The following RSU1 variants were observed in gnomAD, a reference collection of about 807,000 sequenced individuals.
RSU1 encodes rsu-1.
Under a neutral mutation model 31.1 loss-of-function variants are expected in RSU1, and 26 were observed. The observed-to-expected ratio is 0.84, with a 90% CI of 0.61 to 1.16. The LOEUF is 1.16. Among genes scored for constraint, RSU1 ranks in the 50% most tolerant of loss-of-function variants. The pLI, the probability that RSU1 is intolerant of heterozygous loss-of-function variation, is 0.00. For missense variants in RSU1, 320 were observed against 339.1 expected, an observed-to-expected ratio of 0.94 and a Z score of 0.44; for synonymous variants, 164 against 136.3, an observed-to-expected ratio of 1.20 and a Z score of -1.41.
chr10:16,755,506 C>G (rs1371070725), intron 4 of RSU1, among the ~76,000 whole-genome samples: 2 of 151,892 alleles, frequency 1.3e-5, no homozygotes, highest in Non-Finnish European at 2.9e-5. Flanking sequence ...CAACATGATA[C>G]TTCTGATGTA....
intron 2 of RSU1, among the ~76,000 whole-genome samples, chr10:16,782,795 A>C (rs945971967): frequency 1.3e-5 from 2 of 152,222 alleles, no homozygotes; most frequent in Non-Finnish European, 2.9e-5. Context: ...CAGAGCCACA[A>C]AAGTAAAAGA....
intron 7 of RSU1, among the ~76,000 whole-genome samples, chr10:16,718,807 C>A (rs957541141): frequency 2.0e-5 from 3 of 151,832 alleles, no homozygotes; most frequent in African/African-American, 7.3e-5. Context: ...ATGGTGAAAC[C>A]CCGTCTCTAC....
intron 8 of RSU1, among the ~76,000 whole-genome samples, chr10:16,675,226 A>G (rs943562187): frequency 4.0e-5 from 6 of 151,624 alleles, no homozygotes; most frequent in South Asian, 4.2e-4. Flanking sequence ...AAGAAAGAAA[A>G]AAAAGTGTAA....
intron 2 of RSU1, among the ~76,000 whole-genome samples, chr10:16,783,363 G>GCTTTTTTTTTTT (rs1293875939): frequency 1.1e-5 from 1 of 92,812 alleles, no homozygotes; most frequent in Non-Finnish European, 2.0e-5. Context: ...CACAACTTTT[G>GCTTTTTTTTTTT]CTTTTTTTTT....
chr10:16,603,618 T>C (rs1833749325), intron 8 of RSU1, among the ~76,000 whole-genome samples: 1 of 152,116 alleles, frequency 6.6e-6, no homozygotes, highest in Non-Finnish European at 1.5e-5. Flanking sequence ...TTTAAGAAAA[T>C]AGGTAATCCT....
intron 7 of RSU1, among the ~76,000 whole-genome samples, chr10:16,726,013 A>G (rs1050886022): frequency 6.6e-6 from 1 of 151,810 alleles, no homozygotes; most frequent in African/African-American, 2.4e-5. Context: ...ATGTAGATAC[A>G]TATGCACGTA....
In RSU1 at chr10:16,613,420, C is replaced by T. The variant is rs142399842; in HGVS notation, c.732-19924G>A. Among the ~76,000 whole-genome samples the T allele has an allele frequency of 4.7e-3, 721 of 152,250 alleles. 2 individuals carry two copies. The highest frequency in any genetic ancestry group is 7.1e-3 in the Non-Finnish European group (483 of 68,026). Reference sequence around the variant, plus strand: ...TGTGTGGGTTCATGCCAAGAGTCGGCACCTTGTTCAGAAACACTAGTGGAC... The same window carrying T: ...TGTGTGGGTTCATGCCAAGAGTCGGTACCTTGTTCAGAAACACTAGTGGAC... On this transcript the variant is annotated intron_variant, in intron 8 of 8. Coordinates refer to ENST00000345264, the MANE Select transcript of RSU1 (RefSeq NM_012425.4).
chr10:16,715,868 T>C (rs1343491993), intron 7 of RSU1, among the ~76,000 whole-genome samples: 1 of 152,240 alleles, frequency 6.6e-6, no homozygotes, highest in Non-Finnish European at 1.5e-5. Context: ...AGCGAGTGCA[T>C]TAAATCTACA....
At chr10:16,789,312 T>C (rs1057456760) in intron 2 of RSU1, among the ~76,000 whole-genome samples, 4 of 152,026 alleles carry the variant, frequency 2.6e-5, no homozygotes, top group South Asian at 2.1e-4. Context: ...CAGGACCACA[T>C]GGTAAAGTAG....
chr10:16,783,304 T>C (rs1000060898), intron 2 of RSU1, among the ~76,000 whole-genome samples: 20 of 151,954 alleles, frequency 1.3e-4, no homozygotes, highest in Admixed American at 7.2e-4. Context: ...AGGGTCTCGA[T>C]GTTGGGGCTC....
chr10:16,640,478 C>G (rs551338634), intron 8 of RSU1, among the ~76,000 whole-genome samples: 3 of 152,314 alleles, frequency 2.0e-5, no homozygotes, highest in Admixed American at 6.5e-5. Context: ...TCTGATCACA[C>G]CCCTGCCCTT....
chr10:16,645,552 A>G (rs1457307046), intron 8 of RSU1, among the ~76,000 whole-genome samples: 2 of 152,090 alleles, frequency 1.3e-5, no homozygotes, highest in Non-Finnish European at 2.9e-5. Flanking sequence ...CTCACGCTGT[A>G]ATCCCAGCAC....
chr10:16,772,848 C>T (rs1181668460), intron 3 of RSU1, among the ~76,000 whole-genome samples: 2 of 152,216 alleles, frequency 1.3e-5, no homozygotes, highest in East Asian at 1.9e-4. Flanking sequence ...TTCTATCTTG[C>T]ACTCTTTTAC....
intron 8 of RSU1, among the ~76,000 whole-genome samples, chr10:16,657,159 G>C (rs1041499736): frequency 1.3e-5 from 2 of 152,164 alleles, no homozygotes; most frequent in Non-Finnish European, 2.9e-5. Context: ...ACCTCTCATA[G>C]AGGTTATATG....
Position 16,753,012 on chromosome 10 carries a change from A to T in RSU1, c.401-12T>A, listed in dbSNP as rs1564344523. 1 of 1,609,288 alleles carries T rather than the reference A, an allele frequency of 6.2e-7. No homozygotes were observed. Among genetic ancestry groups the T allele is most frequent in the South Asian group, 1.1e-5 (1 of 90,974 alleles). On this transcript the variant is annotated splice_polypyrimidine_tract_variant and intron_variant, in intron 5 of 8. Coordinates refer to ENST00000345264, the MANE Select transcript of RSU1 (RefSeq NM_012425.4). ...TGCACGCAGGGTGGCTGCAAATTAA[A>T]CAGCAATATATAAACAGGGTGGCAT...
At chr10:16,604,208 A>G (rs1009964016) in intron 8 of RSU1, among the ~76,000 whole-genome samples, 7 of 152,290 alleles carry the variant, frequency 4.6e-5, no homozygotes, top group African/African-American at 1.7e-4. Context: ...CTGGGTGTTA[A>G]GTAATAAAAA....
chr10:16,662,105 C>T (rs140788993), intron 8 of RSU1, among the ~76,000 whole-genome samples: 3 of 152,298 alleles, frequency 2.0e-5, no homozygotes, highest in Non-Finnish European at 2.9e-5. Context: ...GTTGACCATA[C>T]AAGTGGGCAG....
At chr10:16,697,768 A>C (rs1442780608) in intron 7 of RSU1, among the ~76,000 whole-genome samples, 1 of 152,148 alleles carries the variant, frequency 6.6e-6, no homozygotes, top group Non-Finnish European at 1.5e-5. Context: ...AATAGCACAG[A>C]AATGAATTCC....
At chr10:16,652,371 G>T (rs898203116) in intron 8 of RSU1, among the ~76,000 whole-genome samples, 14 of 113,072 alleles carry the variant, frequency 1.2e-4, no homozygotes, top group African/African-American at 4.4e-4. Flanking sequence ...GATAACAAGA[G>T]ATGATTCACC....
Sources: gnomAD v4.1 joint callset for allele counts (sites outside exome capture counted in the v4.1 genomes callset) on GRCh38, gnomAD v4.1.1 for gene constraint, MANE v1.5 for transcripts, NCBI Gene and HGNC (gene_info 2026-07-23, HGNC 2026-07-21) for gene names.